CDH6: variants seen among roughly 807,000 people sequenced by gnomAD.
CDH6 encodes the protein cadherin-6.
CDH6 carries 31 observed loss-of-function variants against 78.0 expected under a neutral mutation model. The ratio of observed to expected loss-of-function variants is 0.40; its 90% CI spans 0.30 to 0.54. The LOEUF (loss-of-function observed/expected upper bound fraction) is 0.54. Among genes scored for constraint, CDH6 ranks in the 20% least tolerant of loss-of-function variants. CDH6 has a pLI of 0.56. For missense variants in CDH6, 724 were observed against 975.9 expected (o/e 0.74, Z 3.44); for synonymous variants, 376 against 368.8 (o/e 1.02, Z -0.23).
chr5:31,283,406 C>G (rs1171952719), intron 2 of CDH6, among the ~76,000 whole-genome samples: 1 of 152,172 alleles, frequency 6.6e-6, no homozygotes, highest in Non-Finnish European at 1.5e-5. Context: ...AAATCTTGCT[C>G]TTATTCATCG....
At chr5:31,194,471 C>G (rs1304652891) in intron 1 of CDH6, among the ~76,000 whole-genome samples, 2 of 152,170 alleles carry the variant, frequency 1.3e-5, no homozygotes, top group African/African-American at 4.8e-5. Context: ...ACTAAAGAGA[C>G]GATTTGGCTG....
chr5:31,325,252 C>T lies in CDH6; in HGVS notation c.*1944C>T. 1 of 229,636 alleles carries T rather than the reference C, an allele frequency of 4.4e-6. No homozygotes were observed. Among genetic ancestry groups the T allele is most frequent in the Admixed American group, 5.7e-5 (1 of 17,640 alleles). The allele number at this position is 229,636 out of a possible 1,614,324, so 14.2% of individuals were successfully genotyped here. ...TATAATGGACTGCCCTATATAGTAA[C>T]AAGTATTTCATGCTTGAGCTATTTC... On this transcript the variant is annotated 3_prime_UTR_variant, in exon 12 of 12. Transcript: ENST00000265071.
chr5:31,320,878 C>T lies in CDH6; in HGVS notation c.1883-1940C>T, dbSNP rs573327172. ...CCTGTACTCCCAGCTACTCAGGAGG[C>T]TGAGGCAGGAGAATTGCTTGAACCT... is the stretch of plus-strand genomic sequence containing the variant. On this transcript the variant is annotated intron_variant, in intron 11 of 11. Transcript: ENST00000265071. 2.0e-5 allele frequency among the ~76,000 whole-genome samples: 3 copies of T among 151,556 alleles called. No individual in the cohort carries two copies. The South Asian group carries it at 6.3e-4, about 32-fold the overall frequency.
chr5:31,214,462 G>C lies in CDH6; in HGVS notation c.-129+20576G>C, dbSNP rs568057000. Among the ~76,000 whole-genome samples the C allele has an allele frequency of 3.3e-5, 5 of 152,268 alleles. No individual in the cohort carries two copies. The East Asian group carries it at 9.7e-4, about 29-fold the overall frequency. ...CACAATCAGATCTGTGTCGCATATT[G>C]AATATAGGTCAAAGGATGACTGCTC... On this transcript the variant is annotated intron_variant, in intron 1 of 11. Transcript: ENST00000265071.
intron 2 of CDH6, among the ~76,000 whole-genome samples, chr5:31,268,512 G>A (rs1742424221): frequency 6.6e-6 from 1 of 152,168 alleles, no homozygotes; most frequent in Admixed American, 6.5e-5. Context: ...CCTTGTTGCA[G>A]AATATCTGCA....
intron 1 of CDH6, among the ~76,000 whole-genome samples, chr5:31,227,194 T>A (rs72749650): frequency 0.027 from 4,158 of 152,182 alleles, 76 homozygotes; most frequent in South Asian, 0.047. Flanking sequence ...TGAAACTAAG[T>A]TGGGCGAGAG....
rs1737954254 is a variant in CDH6 at position 31,305,285 on chromosome 5, A to G, written c.1111A>G (p.Arg371Gly). Residue 371 changes from arginine (R) to glycine (G), a missense_variant, in exon 7 of 12, where the codon AGA becomes GGA. Around this residue, in one of 3 missense-constraint regions of CDH6, gnomAD observed 446 missense variants for 684.5 expected, o/e 0.65. Coordinates refer to ENST00000265071, the MANE Select transcript of CDH6 (RefSeq NM_004932.4). ...LGPFKDSATVRIVVEDVDEPP... is the reference protein window; with the variant it reads ...LGPFKDSATVGIVVEDVDEPP... ...GCCTTTCAAAGATTCAGCCACGGTT[A>G]GAATTGTGGTGGAGGATGTAGATGA... The G allele has an allele frequency of 6.2e-7, 1 of 1,614,072 alleles. No homozygotes were observed. The highest frequency in any genetic ancestry group is 8.5e-7 in the Non-Finnish European group (1 of 1,180,034).
intron 1 of CDH6, among the ~76,000 whole-genome samples, chr5:31,197,602 A>C (rs1343570052): frequency 6.6e-6 from 1 of 152,208 alleles, no homozygotes; most frequent in African/African-American, 2.4e-5. Flanking sequence ...AAATTCAAAG[A>C]CTCAAGAACA....
chr5:31,244,359 G>T (rs779253143), intron 1 of CDH6, among the ~76,000 whole-genome samples: 2 of 152,188 alleles, frequency 1.3e-5, no homozygotes, highest in African/African-American at 2.4e-5. Flanking sequence ...AATTCCTTTG[G>T]AAGGCTCTGT....
intron 2 of CDH6, among the ~76,000 whole-genome samples, chr5:31,275,543 T>C (rs1353315105): frequency 6.6e-6 from 1 of 152,216 alleles, no homozygotes; most frequent in Non-Finnish European, 1.5e-5. Context: ...TTCATTCTTT[T>C]TTATGGCTGC....
At position 31,325,427 on chromosome 5, in the gene CDH6, T is replaced by C. The variant is rs1210076814; in HGVS notation, c.*2119T>C. ...TATGTATCATAGTCACAGGTAAGTG[T>C]TGAAAAAAGCTTAGTAAAGTTAGAA... On this transcript the variant is annotated 3_prime_UTR_variant, in exon 12 of 12. Coordinates refer to ENST00000265071, the MANE Select transcript of CDH6 (RefSeq NM_004932.4). 3 of 231,902 alleles carry C rather than the reference T, an allele frequency of 1.3e-5. No individual in the cohort carries two copies. The highest frequency in any genetic ancestry group is 6.1e-5 in the East Asian group (1 of 16,394). The allele number at this position is 231,902 out of a possible 1,614,324, so 14.4% of individuals were successfully genotyped here.
intron 1 of CDH6, among the ~76,000 whole-genome samples, chr5:31,209,974 T>C (rs1740647624): frequency 6.6e-6 from 1 of 152,148 alleles, no homozygotes; most frequent in South Asian, 2.1e-4. Flanking sequence ...TGTGCCAACT[T>C]AGGTCATATG....
chr5:31,323,676 A>G lies in CDH6; in HGVS notation c.*368A>G, dbSNP rs1738540578. ...GCCCTAACTGTACATTTCACAGGCT[A>G]ATGGGATAAAGGACTGTGCTTTAAA... On this transcript the variant is annotated 3_prime_UTR_variant, in exon 12 of 12. Transcript: ENST00000265071. 7.1e-6 allele frequency: 2 copies of G among 281,056 alleles called. No homozygotes were observed. Among genetic ancestry groups the G allele is most frequent in the African/African-American group, 4.2e-5 (2 of 47,646 alleles). The allele number at this position is 281,056 out of a possible 1,614,324, so 17.4% of individuals were successfully genotyped here.
In CDH6 at chr5:31,328,449, T is replaced by C. The variant is rs541094360; in HGVS notation, c.*5141T>C. On this transcript the variant is annotated 3_prime_UTR_variant, in exon 12 of 12. Coordinates refer to ENST00000265071, the MANE Select transcript of CDH6 (RefSeq NM_004932.4). ...TACCAGGCATTCGTGGGGAATGCTG[T>C]GTAGCAAATGTAAAACTGACCTGCT... is the stretch of plus-strand genomic sequence containing the variant. 6.4e-4 allele frequency: 133 copies of C among 206,872 alleles called. No individual in the cohort carries two copies. The highest frequency in any genetic ancestry group is 1.7e-3 in the Admixed American group (28 of 16,824). The allele number at this position is 206,872 out of a possible 1,614,324, so 12.8% of individuals were successfully genotyped here. A position where few individuals can be genotyped will look rare whatever the true frequency, so the allele number is the denominator to read the frequency against.
intron 1 of CDH6, among the ~76,000 whole-genome samples, chr5:31,197,920 T>C (rs920857627): frequency 3.3e-5 from 5 of 152,294 alleles, no homozygotes; most frequent in Admixed American, 3.3e-4. Context: ...GAAGCCTCTC[T>C]TTTTCAAAAC....
chr5:31,204,672 T>C lies in CDH6; in HGVS notation c.-129+10786T>C, dbSNP rs554047814. Reference sequence around the variant, plus strand: ...TTAAATGGCTTTTTTCTCTTTTTTCTTTGTATGATAATCTTTTTATCACGG... The same window carrying C: ...TTAAATGGCTTTTTTCTCTTTTTTCCTTGTATGATAATCTTTTTATCACGG... On this transcript the variant is annotated intron_variant, in intron 1 of 11. Transcript: ENST00000265071. 4.7e-4 allele frequency among the ~76,000 whole-genome samples: 71 copies of C among 152,320 alleles called. 2 individuals carry two copies. The South Asian group carries it at 0.015, about 32-fold the overall frequency.
At chr5:31,265,754 ATTAT>A (rs1413545100) in intron 1 of CDH6, among the ~76,000 whole-genome samples, 2 of 139,948 alleles carry the variant, frequency 1.4e-5, no homozygotes, top group Admixed American at 1.4e-4. Context: ...TGTTGTTAGT[ATTAT>A]TTAAGACAAT....
chr5:31,279,561 C>A (rs1742796516), intron 2 of CDH6, among the ~76,000 whole-genome samples: 1 of 151,838 alleles, frequency 6.6e-6, no homozygotes, highest in Non-Finnish European at 1.5e-5. Flanking sequence ...CAAAGTGAGA[C>A]CCTGCCTCAA....
At chr5:31,199,569 C>T (rs1001090817) in intron 1 of CDH6, among the ~76,000 whole-genome samples, 3 of 145,102 alleles carry the variant, frequency 2.1e-5, no homozygotes, top group African/African-American at 7.7e-5. Context: ...TATATATGCT[C>T]AGAGCATATA....
Sources: gnomAD v4.1 joint callset for allele counts (sites outside exome capture counted in the v4.1 genomes callset) on GRCh38, gnomAD v4.1.1 for gene constraint, gnomAD v4.1.1 regional missense constraint, MANE v1.5 for transcripts, NCBI Gene and HGNC (gene_info 2026-07-23, HGNC 2026-07-21) for gene names.